The following PTPRM variants were observed in gnomAD, a reference collection of about 807,000 sequenced individuals.
PTPRM encodes the protein receptor-type tyrosine-protein phosphatase mu.
In PTPRM, 47 loss-of-function variants were observed where a neutral mutation model predicts 186.7. The observed-to-expected ratio is 0.25, with a 90% CI of 0.20 to 0.32. The LOEUF is 0.32. PTPRM is among the 10% of genes least tolerant of loss of function. The pLI, the probability that PTPRM is intolerant of heterozygous loss-of-function variation, is 1.00. For synonymous variants in PTPRM, 668 were observed against 674.9 expected, an observed-to-expected ratio of 0.99 and a Z score of 0.16; for missense variants, 1,494 against 1,865.0, an observed-to-expected ratio of 0.80 and a Z score of 3.66.
chr18:7,617,629 A>G (rs1050522454), intron 1 of PTPRM, among the ~76,000 whole-genome samples: 5 of 152,202 alleles, frequency 3.3e-5, no homozygotes, highest in Admixed American at 3.3e-4. Context: ...TCCTTAATCA[A>G]AAAACTTAAT....
chr18:7,708,657 AGTAC>A (rs2040147868), intron 1 of PTPRM, among the ~76,000 whole-genome samples: 2 of 152,182 alleles, frequency 1.3e-5, no homozygotes, highest in African/African-American at 2.4e-5. Flanking sequence ...CATGCTTCTT[AGTAC>A]AGAAGTGGAA....
At chr18:7,829,493 A>G (rs1444322966) in intron 2 of PTPRM, among the ~76,000 whole-genome samples, 1 of 152,222 alleles carries the variant, frequency 6.6e-6, no homozygotes, top group African/African-American at 2.4e-5. Context: ...CAGGTGAGAT[A>G]TCCTTTCAAA....
At chr18:8,073,328 T>C (rs1304060426) in intron 8 of PTPRM, among the ~76,000 whole-genome samples, 4 of 152,230 alleles carry the variant, frequency 2.6e-5, no homozygotes, top group African/African-American at 9.6e-5. Flanking sequence ...ATCTTAGTTA[T>C]CTTGATGGTG....
intron 7 of PTPRM, among the ~76,000 whole-genome samples, chr18:7,987,208 C>T (rs908398193): frequency 6.6e-6 from 1 of 152,142 alleles, no homozygotes; most frequent in Non-Finnish European, 1.5e-5. Context: ...CAGTAGATCT[C>T]TTGAGAAACA....
chr18:8,220,415 TAC>T (rs2094141147), intron 14 of PTPRM, among the ~76,000 whole-genome samples: 1 of 152,194 alleles, frequency 6.6e-6, no homozygotes, highest in Non-Finnish European at 1.5e-5. Flanking sequence ...TCAACACACA[TAC>T]ACACACATAT....
intron 17 of PTPRM, chr18:8,251,785 A>G (rs1267237260): frequency 1.3e-5 from 2 of 152,232 alleles, no homozygotes; most frequent in African/African-American, 4.8e-5. Flanking sequence ...TCAGAGCTGA[A>G]CTTCTCCGTA....
At chr18:8,103,757 C>G (rs2145577160) in intron 11 of PTPRM, among the ~76,000 whole-genome samples, 1 of 152,206 alleles carries the variant, frequency 6.6e-6, no homozygotes, top group South Asian at 2.1e-4. Flanking sequence ...ATAACTTTTC[C>G]TTTGCATTTA....
chr18:7,895,349 C>G (rs1490999766), intron 3 of PTPRM, among the ~76,000 whole-genome samples: 1 of 152,180 alleles, frequency 6.6e-6, no homozygotes, highest in African/African-American at 2.4e-5. Context: ...GATGCTTTCT[C>G]CCTGCTAAGG....
At chr18:8,170,535 A>T (rs2093384396) in intron 14 of PTPRM, among the ~76,000 whole-genome samples, 1 of 151,378 alleles carries the variant, frequency 6.6e-6, no homozygotes, top group Non-Finnish European at 1.5e-5. Flanking sequence ...ATATATAGGT[A>T]GTCTTGGGCC....
chr18:8,098,008 A>T (rs1377354691), intron 11 of PTPRM, among the ~76,000 whole-genome samples: 1 of 152,182 alleles, frequency 6.6e-6, no homozygotes, highest in Non-Finnish European at 1.5e-5. Context: ...GATACTCCCC[A>T]CTGTTTTACA....
chr18:8,323,581 T>G (rs1396588624), intron 22 of PTPRM, among the ~76,000 whole-genome samples: 1 of 152,236 alleles, frequency 6.6e-6, no homozygotes, highest in East Asian at 1.9e-4. Context: ...CATCATTTCT[T>G]TCTTTCTGAA....
At position 8,345,649 on chromosome 18, in the gene PTPRM, A is replaced by G. The variant is rs574212591; in HGVS notation, c.3054+2129A>G. On this transcript the variant is annotated intron_variant, in intron 23 of 32. Transcript: ENST00000580170. ...CAAATGTTGTAAATGTTAAAAATAT[A>G]TAACATTTTATAAATATATAAAAAT... Among the ~76,000 whole-genome samples the G allele has an allele frequency of 3.4e-4, 52 of 151,352 alleles. No homozygotes were observed. The South Asian group carries it at 0.011, about 31-fold the overall frequency.
chr18:8,402,575 C>CT (rs1221249602), intron 32 of PTPRM, among the ~76,000 whole-genome samples: 36 of 152,226 alleles, frequency 2.4e-4, no homozygotes, highest in African/African-American at 7.7e-4. Flanking sequence ...TGTATAAAAT[C>CT]TTTTTTATGC....
In PTPRM at chr18:8,370,205, A is replaced by T. The variant is rs529028191; in HGVS notation, c.3055-685A>T. On this transcript the variant is annotated intron_variant, in intron 23 of 32. Coordinates refer to ENST00000580170, the MANE Select transcript of PTPRM (RefSeq NM_001105244.2). ...CATTCTTACCAAAAAAAAAAAAAAA[A>T]ATACAATTTGCTAGGAGAATTTCAA... Among the ~76,000 whole-genome samples, 472 of 152,034 alleles carry T rather than the reference A, an allele frequency of 3.1e-3. 3 individuals are homozygous for T. The highest frequency in any genetic ancestry group is 0.011 in the African/African-American group (450 of 41,460).
intron 14 of PTPRM, among the ~76,000 whole-genome samples, chr18:8,205,468 T>G (rs374094793): frequency 1.1e-4 from 16 of 152,326 alleles, no homozygotes; most frequent in African/African-American, 3.6e-4. Flanking sequence ...TTTGCTTTCT[T>G]TATTTCTTTA....
chr18:8,191,489 A>G (rs2093708946), intron 14 of PTPRM, among the ~76,000 whole-genome samples: 1 of 152,210 alleles, frequency 6.6e-6, no homozygotes, highest in South Asian at 2.1e-4. Context: ...GGAAACCACC[A>G]TGCTGAAAAG....
chr18:7,719,917 G>A (rs1324696392), intron 1 of PTPRM, among the ~76,000 whole-genome samples: 1 of 152,118 alleles, frequency 6.6e-6, no homozygotes, highest in African/African-American at 2.4e-5. Context: ...AAAGTCAAAA[G>A]CCAGGTGTAG....
chr18:7,661,574 A>G (rs1329398780), intron 1 of PTPRM, among the ~76,000 whole-genome samples: 1 of 152,234 alleles, frequency 6.6e-6, no homozygotes, highest in African/African-American at 2.4e-5. Flanking sequence ...AGTCAGAAGA[A>G]TGTCTTTTAC....
chr18:7,648,034 T>C (rs1013853643), intron 1 of PTPRM, among the ~76,000 whole-genome samples: 3 of 152,206 alleles, frequency 2.0e-5, no homozygotes, highest in Non-Finnish European at 2.9e-5. Context: ...CTATTGGTGC[T>C]TTTTTTCCAA....
Sources: allele counts gnomAD v4.1 joint callset (sites outside exome capture counted in the v4.1 genomes callset), GRCh38; gene constraint gnomAD v4.1.1; transcripts MANE v1.5; gene names NCBI Gene and HGNC (gene_info 2026-07-23, HGNC 2026-07-21).